Variants in SNTG1 observed in about 807,000 individuals in gnomAD.
SNTG1 encodes the protein syntrophin gamma 1, also known as gamma-1-syntrophin.
SNTG1 carries 39 observed loss-of-function variants against 74.7 expected under a neutral mutation model. That is an observed-to-expected ratio of 0.52 (90% CI 0.40 to 0.68). The LOEUF (loss-of-function observed/expected upper bound fraction) is 0.68, where lower values mean the gene tolerates loss of function less well. Ranked by LOEUF, SNTG1 falls within the 30% of genes least tolerant of loss-of-function variation. The pLI is 0.00. For missense variants in SNTG1, 685 were observed against 609.5 expected (o/e 1.12, Z -1.30); for synonymous variants, 254 against 217.1 (o/e 1.17, Z -1.49).
intron 13 of SNTG1, among the ~76,000 whole-genome samples, chr8:50,655,448 A>G (rs1018079320): frequency 1.3e-5 from 2 of 152,216 alleles, no homozygotes; most frequent in East Asian, 1.9e-4. Flanking sequence ...TGTAATGCAT[A>G]TGTTAGTAAC....
intron 1 of SNTG1, among the ~76,000 whole-genome samples, chr8:50,101,036 G>GT (rs1227228230): frequency 6.6e-6 from 1 of 151,994 alleles, no homozygotes; most frequent in African/African-American, 2.4e-5. Context: ...ATGGTATTTG[G>GT]TTTTCTGTTC....
chr8:50,757,402 G>C (rs1219503584), intron 18 of SNTG1, among the ~76,000 whole-genome samples: 1 of 151,584 alleles, frequency 6.6e-6, no homozygotes, highest in Non-Finnish European at 1.5e-5. Flanking sequence ...CGTCTTTTTT[G>C]GATAATTTAT....
At chr8:49,982,164 C>T (rs1196609782) in intron 1 of SNTG1, among the ~76,000 whole-genome samples, 3 of 152,086 alleles carry the variant, frequency 2.0e-5, no homozygotes, top group Non-Finnish European at 2.9e-5. Context: ...AGAAAAAGTA[C>T]ATCTATGCCC....
intron 17 of SNTG1, among the ~76,000 whole-genome samples, chr8:50,733,202 T>C (rs1197151816): frequency 6.6e-6 from 1 of 152,052 alleles, no homozygotes; most frequent in Non-Finnish European, 1.5e-5. Flanking sequence ...CTGTTTTGCA[T>C]TTAATTTGCT....
At chr8:50,011,546 A>G (rs1314727822) in intron 1 of SNTG1, among the ~76,000 whole-genome samples, 2 of 152,032 alleles carry the variant, frequency 1.3e-5, no homozygotes, top group Admixed American at 6.6e-5. Context: ...TAAATATTAA[A>G]TTGATGGGTT....
chr8:50,529,134 A>G (rs541846755), intron 9 of SNTG1, among the ~76,000 whole-genome samples: 47 of 151,988 alleles, frequency 3.1e-4, no homozygotes, highest in Non-Finnish European at 5.2e-4. Flanking sequence ...GCTTTAAAAT[A>G]ATAAGTATAT....
chr8:50,483,013 T>C (rs2093753774), intron 8 of SNTG1, among the ~76,000 whole-genome samples: 1 of 152,174 alleles, frequency 6.6e-6, no homozygotes, highest in Non-Finnish European at 1.5e-5. Flanking sequence ...AGGCTTGAAG[T>C]AGAATAGTAG....
At chr8:50,319,337 C>A (rs573921495) in intron 2 of SNTG1, among the ~76,000 whole-genome samples, 95 of 151,516 alleles carry the variant, frequency 6.3e-4, no homozygotes, top group African/African-American at 2.1e-3. Flanking sequence ...GCACTCCAGC[C>A]TGGGGGACAA....
intron 18 of SNTG1, among the ~76,000 whole-genome samples, chr8:50,789,555 C>T (rs1219220649): frequency 2.0e-5 from 3 of 151,952 alleles, no homozygotes; most frequent in Admixed American, 6.6e-5. Flanking sequence ...GTCTAATATG[C>T]GTTCAGATGT....
At chr8:50,168,448 C>T (rs2082698665) in intron 1 of SNTG1, among the ~76,000 whole-genome samples, 1 of 152,080 alleles carries the variant, frequency 6.6e-6, no homozygotes, top group Admixed American at 6.6e-5. Context: ...TATGCACACA[C>T]AAACACATAA....
In SNTG1 at chr8:50,675,170, G is replaced by A. The variant is rs1217728451; in HGVS notation, c.1038+16507G>A. Among the ~76,000 whole-genome samples the A allele has an allele frequency of 5.3e-5, 8 of 152,206 alleles. No homozygotes were observed. The East Asian group carries it at 1.4e-3, about 26-fold the overall frequency. On this transcript the variant is annotated intron_variant, in intron 15 of 18. Transcript: ENST00000642720. Reference sequence around the variant, plus strand: ...ATTTGGGGTGGAGAGTTCTGTAGATGTCTATTAGGTCCACTTGATCTAGAG... The same window carrying A: ...ATTTGGGGTGGAGAGTTCTGTAGATATCTATTAGGTCCACTTGATCTAGAG...
intron 2 of SNTG1, among the ~76,000 whole-genome samples, chr8:50,384,794 AATT>A (rs1468545208): frequency 1.3e-5 from 2 of 152,090 alleles, no homozygotes; most frequent in African/African-American, 4.8e-5. Context: ...AACCATAGAT[AATT>A]GAAGTTCTTT....
intron 12 of SNTG1, among the ~76,000 whole-genome samples, chr8:50,588,567 G>C (rs531764231): frequency 6.6e-6 from 1 of 152,222 alleles, no homozygotes; most frequent in Non-Finnish European, 1.5e-5. Flanking sequence ...AATTTCAGTA[G>C]AAATCAGCTT....
At chr8:50,448,399 G>A (rs966702348) in intron 5 of SNTG1, among the ~76,000 whole-genome samples, 1 of 151,882 alleles carries the variant, frequency 6.6e-6, no homozygotes, top group Admixed American at 6.6e-5. Flanking sequence ...TGTTAAAAAT[G>A]GGCATGCAAG....
intron 13 of SNTG1, chr8:50,644,272 A>G (rs1737150263): frequency 6.6e-6 from 1 of 152,184 alleles, no homozygotes; most frequent in East Asian, 1.9e-4. Context: ...ACCCTTGAAC[A>G]CTTGAACAAC....
chr8:49,982,797 G>T (rs1812805083), intron 1 of SNTG1, among the ~76,000 whole-genome samples: 1 of 151,992 alleles, frequency 6.6e-6, no homozygotes, highest in Non-Finnish European at 1.5e-5. Flanking sequence ...GTGGATATTT[G>T]TCTATTAACA....
chr8:50,481,686 T>G (rs1031196365), intron 8 of SNTG1, among the ~76,000 whole-genome samples: 1 of 152,192 alleles, frequency 6.6e-6, no homozygotes, highest in African/African-American at 2.4e-5. Context: ...TCATATTGAT[T>G]TTAGATACTT....
intron 2 of SNTG1, among the ~76,000 whole-genome samples, chr8:50,282,271 C>G (rs1453710443): frequency 6.6e-6 from 1 of 152,162 alleles, no homozygotes; most frequent in Non-Finnish European, 1.5e-5. Flanking sequence ...AATAAGCTCT[C>G]TCACCCTAAA....
intron 17 of SNTG1, among the ~76,000 whole-genome samples, chr8:50,751,069 C>G (rs1053984845): frequency 2.0e-5 from 3 of 151,986 alleles, no homozygotes; most frequent in African/African-American, 7.2e-5. Flanking sequence ...TTTTGTTGAT[C>G]TATTTAGAAA....
Sources: gnomAD v4.1 joint callset for allele counts (sites outside exome capture counted in the v4.1 genomes callset) on GRCh38, gnomAD v4.1.1 for gene constraint, MANE v1.5 for transcripts, NCBI Gene and HGNC (gene_info 2026-07-23, HGNC 2026-07-21) for gene names.